Variants in CTNNA3 observed in about 807,000 individuals in gnomAD.
CTNNA3 encodes catenin alpha-3.
In CTNNA3, 76 loss-of-function variants were observed where a neutral mutation model predicts 95.7. The observed-to-expected ratio is 0.79, with a 90% CI of 0.66 to 0.96. The LOEUF (loss-of-function observed/expected upper bound fraction) is 0.96, where lower values mean the gene tolerates loss of function less well. Among genes scored for constraint, CTNNA3 ranks in the 40% least tolerant of loss-of-function variants. The pLI, the probability that CTNNA3 is intolerant of heterozygous loss-of-function variation, is 0.00. For missense variants in CTNNA3, 1,191 were observed against 1,089.8 expected, an observed-to-expected ratio of 1.09 and a Z score of -1.31; for synonymous variants, 431 against 374.4, an observed-to-expected ratio of 1.15 and a Z score of -1.74.
chr10:66,319,727 TG>T (rs1190666532), intron 12 of CTNNA3, among the ~76,000 whole-genome samples: 1 of 152,138 alleles, frequency 6.6e-6, no homozygotes, highest in Non-Finnish European at 1.5e-5. Context: ...TTGGAATGTC[TG>T]TTACTAGCAT....
chr10:66,172,992 C>T (rs990225248), intron 13 of CTNNA3, among the ~76,000 whole-genome samples: 2 of 152,140 alleles, frequency 1.3e-5, no homozygotes. Flanking sequence ...AAAGCATACA[C>T]TGACCCAGTG....
intron 16 of CTNNA3, among the ~76,000 whole-genome samples, chr10:65,971,163 G>T (rs559218937): frequency 6.6e-6 from 1 of 151,876 alleles, no homozygotes; most frequent in African/African-American, 2.4e-5. Flanking sequence ...TAGCAAAAGT[G>T]CTGTTAAGAG....
chr10:67,180,601 AT>A, intron 6 of CTNNA3, 81 bp from the exon 7 acceptor site: 1 of 1,192,614 alleles, frequency 8.4e-7, no homozygotes. Flanking sequence ...TTGTTTTTGC[AT>A]TTAGAATTCA....
Position 66,569,415 on chromosome 10 carries a change from C to T in CTNNA3, c.1375-48642G>A, listed in dbSNP as rs146011736. On this transcript the variant is annotated intron_variant, in intron 10 of 17. Transcript: ENST00000433211. ...AAATTTACTCAAATATAACAGAATC[C>T]TGTAGATGAAGCATAATATGCAACA... Among the ~76,000 whole-genome samples, 30 of 152,126 alleles carry T rather than the reference C, an allele frequency of 2.0e-4. No homozygotes were observed. The East Asian group carries it at 3.9e-3, about 20-fold the overall frequency.
At chr10:66,083,798 T>C (rs1000175188) in intron 14 of CTNNA3, among the ~76,000 whole-genome samples, 2 of 152,118 alleles carry the variant, frequency 1.3e-5, no homozygotes, top group Admixed American at 6.6e-5. Context: ...TTTCTTATTA[T>C]GGCTTTCTGA....
At position 66,511,224 on chromosome 10, in the gene CTNNA3, GT is replaced by G. The variant is rs1419430436; in HGVS notation, c.1531+9392del. Among the ~76,000 whole-genome samples, 16 of 151,818 alleles carry G rather than the reference GT, an allele frequency of 1.1e-4. No homozygotes were observed. In the East Asian group the frequency reaches 2.7e-3, roughly 26 times the overall value. Reference sequence around the variant, plus strand: ...GATCCTCTGTATTTTTGTGGTGTCAGTTGTAATATCTCATTGTTCATTTCTG... The same window carrying G: ...GATCCTCTGTATTTTTGTGGTGTCAGTGTAATATCTCATTGTTCATTTCTG... On this transcript the variant is annotated intron_variant, in intron 11 of 17. Coordinates refer to ENST00000433211, the MANE Select transcript of CTNNA3 (RefSeq NM_013266.4).
At chr10:67,393,474 T>C (rs573891718) in intron 5 of CTNNA3, among the ~76,000 whole-genome samples, 28 of 152,214 alleles carry the variant, frequency 1.8e-4, no homozygotes, top group African/African-American at 6.7e-4. Context: ...TCAGCATACA[T>C]GTGTGGTGCC....
chr10:67,381,175 A>T (rs548124398), intron 5 of CTNNA3, among the ~76,000 whole-genome samples: 1 of 152,348 alleles, frequency 6.6e-6, no homozygotes, highest in Admixed American at 6.5e-5. Flanking sequence ...TTTGCTAGCC[A>T]TAAAAACACT....
At chr10:66,863,180 T>C (rs1374281533) in intron 7 of CTNNA3, among the ~76,000 whole-genome samples, 4 of 147,806 alleles carry the variant, frequency 2.7e-5, no homozygotes, top group African/African-American at 5.0e-5. Context: ...GCCAATTCTT[T>C]ACACACACAC....
intron 9 of CTNNA3, among the ~76,000 whole-genome samples, chr10:66,763,212 C>T (rs1237711719): frequency 5.9e-5 from 9 of 151,852 alleles, no homozygotes; most frequent in African/African-American, 2.2e-4. Context: ...TAGTAAATTA[C>T]TGATGATTTT....
At chr10:67,663,048 G>A (rs1048270992) in intron 1 of CTNNA3, among the ~76,000 whole-genome samples, 3 of 151,890 alleles carry the variant, frequency 2.0e-5, no homozygotes, top group Admixed American at 2.0e-4. Context: ...TCACTTTTTC[G>A]AAGTGTCTTG....
At position 66,520,788 on chromosome 10, in the gene CTNNA3, A is replaced by T. The variant is rs368074391; in HGVS notation, c.1375-15T>A. On this transcript the variant is annotated splice_polypyrimidine_tract_variant and intron_variant, in intron 10 of 17. Transcript: ENST00000433211. ...GCATTAATAATCTATAAAGATAAGG[A>T]TTGAAAAAATTACCTATTGGTTGCA... The T allele has an allele frequency of 7.5e-6, 12 of 1,606,852 alleles. No homozygotes were observed. The highest frequency in any genetic ancestry group is 1.0e-5 in the Non-Finnish European group (12 of 1,176,094).
chr10:66,800,523 G>T (rs186844308), intron 7 of CTNNA3, among the ~76,000 whole-genome samples: 47 of 150,728 alleles, frequency 3.1e-4, no homozygotes, highest in African/African-American at 9.9e-4. Context: ...ACTTATCTAT[G>T]AAAAAAATAC....
chr10:66,820,045 C>T (rs1415637021), intron 7 of CTNNA3, among the ~76,000 whole-genome samples: 1 of 147,806 alleles, frequency 6.8e-6, no homozygotes, highest in Non-Finnish European at 1.5e-5. Flanking sequence ...TTCAGAGCAG[C>T]ATTAGTGATA....
Position 66,105,994 on chromosome 10 carries a change from A to AG in CTNNA3, c.1885-2746dup, listed in dbSNP as rs560105135. 1.9e-4 allele frequency among the ~76,000 whole-genome samples: 29 copies of AG among 152,192 alleles called. No individual in the cohort carries two copies. In the South Asian group the frequency reaches 4.8e-3, roughly 25 times the overall value. On this transcript the variant is annotated intron_variant, in intron 13 of 17. Transcript: ENST00000433211. ...GAGGCCAAGGCGGGTGGATCACCTG[A>AG]GTCAGATGTTCGAGACCAGCCTGAC...
chr10:67,190,138 C>G (rs1444063135), intron 6 of CTNNA3, among the ~76,000 whole-genome samples: 1 of 151,912 alleles, frequency 6.6e-6, no homozygotes, highest in Non-Finnish European at 1.5e-5. Context: ...AAAGAAAACT[C>G]TATGGCCTCT....
At chr10:67,078,054 C>G (rs1484834664) in intron 7 of CTNNA3, among the ~76,000 whole-genome samples, 1 of 152,112 alleles carries the variant, frequency 6.6e-6, no homozygotes, top group Non-Finnish European at 1.5e-5. Flanking sequence ...GACCACAGAC[C>G]AGGGTCATAC....
rs137975838 is a variant in CTNNA3 at position 66,614,030 on chromosome 10, G to C, written c.1374+7662C>G. Among the ~76,000 whole-genome samples the C allele has an allele frequency of 3.4e-3, 524 of 152,130 alleles. 3 individuals are homozygous for C. Among genetic ancestry groups the C allele is most frequent in the African/African-American group, 0.012 (490 of 41,536 alleles). ...ACAAATAAAAAACCCATACAAATAA[G>C]CACATAGCTTTCCATTTTAAAGAGA... On this transcript the variant is annotated intron_variant, in intron 10 of 17. Transcript: ENST00000433211.
intron 9 of CTNNA3, among the ~76,000 whole-genome samples, chr10:66,734,672 G>C (rs1849073192): frequency 6.6e-6 from 1 of 151,980 alleles, no homozygotes; most frequent in Non-Finnish European, 1.5e-5. Context: ...GACCAGCCTG[G>C]CCAACATGGT....
Sources: gnomAD v4.1 joint callset for allele counts (sites outside exome capture counted in the v4.1 genomes callset) on GRCh38, gnomAD v4.1.1 for gene constraint, MANE v1.5 for transcripts, NCBI Gene and HGNC (gene_info 2026-07-23, HGNC 2026-07-21) for gene names.